The following CACNG2 variants were observed in gnomAD, a reference collection of about 807,000 sequenced individuals.
CACNG2 encodes calcium voltage-gated channel auxiliary subunit gamma 2.
CACNG2 carries 3 observed loss-of-function variants against 25.9 expected under a neutral mutation model. The ratio of observed to expected loss-of-function variants is 0.12; its 90% CI spans 0.05 to 0.30. CACNG2 has a LOEUF of 0.30. Among genes scored for constraint, CACNG2 ranks in the 10% least tolerant of loss-of-function variants. The pLI is 1.00. For synonymous variants in CACNG2, 167 were observed against 173.3 expected (o/e 0.96, Z 0.29); for missense variants, 341 against 432.5 (o/e 0.79, Z 1.88).
intron 2 of CACNG2, among the ~76,000 whole-genome samples, chr22:36,568,684 C>T (rs1348684191): frequency 1.3e-5 from 2 of 152,092 alleles, no homozygotes; most frequent in African/African-American, 2.4e-5. Flanking sequence ...GGATTACAGG[C>T]GTTAAAAGGG....
intron 1 of CACNG2, among the ~76,000 whole-genome samples, chr22:36,681,671 G>T (rs1457665440): frequency 6.6e-6 from 1 of 152,138 alleles, no homozygotes; most frequent in African/African-American, 2.4e-5. Context: ...GACCATTTGT[G>T]TTTGGAATCC....
At chr22:36,619,258 A>C (rs1001574192) in intron 1 of CACNG2, among the ~76,000 whole-genome samples, 1 of 152,176 alleles carries the variant, frequency 6.6e-6, no homozygotes, top group African/African-American at 2.4e-5. Context: ...GGATGTATTA[A>C]ATGAATATAA....
At chr22:36,571,882 CAA>C (rs1190439992) in intron 2 of CACNG2, among the ~76,000 whole-genome samples, 28 of 99,464 alleles carry the variant, frequency 2.8e-4, no homozygotes, top group Admixed American at 3.5e-4. Flanking sequence ...GTCTCAAAAA[CAA>C]AAAAAAAAAA....
chr22:36,696,206 C>T lies in CACNG2; in HGVS notation c.211+6160G>A, dbSNP rs578159285. 1.4e-4 allele frequency among the ~76,000 whole-genome samples: 22 copies of T among 152,240 alleles called. No homozygotes were observed. In the South Asian group the frequency reaches 3.9e-3, roughly 27 times the overall value. ...GGCCAGGATCTATTTAGAGGACTTG[C>T]ACCCCCGGCGCTTTCTTCTCAGGCA... On this transcript the variant is annotated intron_variant, in intron 1 of 3. Coordinates refer to ENST00000300105, the MANE Select transcript of CACNG2 (RefSeq NM_006078.5).
intron 1 of CACNG2, among the ~76,000 whole-genome samples, chr22:36,654,510 G>A (rs576321018): frequency 2.0e-5 from 3 of 152,058 alleles, no homozygotes; most frequent in Non-Finnish European, 4.4e-5. Context: ...GAAATTACAG[G>A]TGTGACCCAC....
rs77150646 is a variant in CACNG2 at position 36,646,298 on chromosome 22, T to A, written c.211+56068A>T. On this transcript the variant is annotated intron_variant, in intron 1 of 3. Coordinates refer to ENST00000300105, the MANE Select transcript of CACNG2 (RefSeq NM_006078.5). ...CTTTCCTAACTCAAGTTTGAGATAG[T>A]GACATTACGCCTGGCATACTAAAAA... Among the ~76,000 whole-genome samples the A allele has an allele frequency of 2.8e-3, 428 of 152,226 alleles. 3 individuals carry two copies. Among genetic ancestry groups the A allele is most frequent in the African/African-American group, 9.7e-3 (401 of 41,532 alleles).
chr22:36,595,734 C>G (rs1159952524), intron 1 of CACNG2, among the ~76,000 whole-genome samples: 1 of 152,144 alleles, frequency 6.6e-6, no homozygotes, highest in Non-Finnish European at 1.5e-5. Flanking sequence ...CCACCATGAA[C>G]TATAAAGGGT....
intron 1 of CACNG2, among the ~76,000 whole-genome samples, chr22:36,636,570 A>G (rs1395392147): frequency 6.6e-6 from 1 of 152,248 alleles, no homozygotes; most frequent in Non-Finnish European, 1.5e-5. Flanking sequence ...ACTGTACATC[A>G]TAGATCTGAT....
chr22:36,663,682 C>G (rs577377342), intron 1 of CACNG2, among the ~76,000 whole-genome samples: 1 of 152,158 alleles, frequency 6.6e-6, no homozygotes, highest in African/African-American at 2.4e-5. Context: ...TTGCAGCGCT[C>G]GCAGAGTCCT....
At position 36,647,287 on chromosome 22, in the gene CACNG2, A is replaced by G. The variant is rs564502769; in HGVS notation, c.211+55079T>C. 2.0e-5 allele frequency among the ~76,000 whole-genome samples: 3 copies of G among 152,240 alleles called. No individual in the cohort carries two copies. In the East Asian group the frequency reaches 5.8e-4, roughly 29 times the overall value. On this transcript the variant is annotated intron_variant, in intron 1 of 3. Transcript: ENST00000300105. ...TCCAATTTTTATTGGCATTGTAGCC[A>G]GAAGGGTTATTTAAAATGCAAATCT...
chr22:36,656,683 C>T (rs1936710458), intron 1 of CACNG2, among the ~76,000 whole-genome samples: 1 of 152,248 alleles, frequency 6.6e-6, no homozygotes. Flanking sequence ...CTCACCTGCT[C>T]CAGGGGCCTT....
At chr22:36,689,889 G>A (rs1051420232) in intron 1 of CACNG2, among the ~76,000 whole-genome samples, 1 of 152,246 alleles carries the variant, frequency 6.6e-6, no homozygotes, top group African/African-American at 2.4e-5. Flanking sequence ...AAATGGGTGA[G>A]CGTCTCTCTC....
chr22:36,645,647 TA>T (rs1269316135), intron 1 of CACNG2, among the ~76,000 whole-genome samples: 23 of 151,362 alleles, frequency 1.5e-4, no homozygotes, highest in South Asian at 2.1e-4. Context: ...AGAGGGAGAA[TA>T]TATTTTCTTC....
intron 1 of CACNG2, among the ~76,000 whole-genome samples, chr22:36,631,641 G>A (rs1936272787): frequency 6.6e-6 from 1 of 152,114 alleles, no homozygotes; most frequent in African/African-American, 2.4e-5. Context: ...CTCTGTGGAT[G>A]TGTGGCCCCA....
In CACNG2 at chr22:36,697,369, G is replaced by A. The variant is rs527263671; in HGVS notation, c.211+4997C>T. 9.8e-5 allele frequency among the ~76,000 whole-genome samples: 15 copies of A among 152,342 alleles called. No individual in the cohort carries two copies. In the South Asian group the frequency reaches 3.1e-3, roughly 32 times the overall value. Reference sequence around the variant, plus strand: ...CAAGACACAGACCAGATGTAACAGTGCTTATTAGTGGATATAAGCGGGAGG... The same window carrying A: ...CAAGACACAGACCAGATGTAACAGTACTTATTAGTGGATATAAGCGGGAGG... On this transcript the variant is annotated intron_variant, in intron 1 of 3. Transcript: ENST00000300105.
chr22:36,608,409 T>C (rs1265185006), intron 1 of CACNG2, among the ~76,000 whole-genome samples: 1 of 152,218 alleles, frequency 6.6e-6, no homozygotes, highest in Non-Finnish European at 1.5e-5. Flanking sequence ...TGTGTCATTT[T>C]CCTAACGGAA....
At chr22:36,590,641 T>A (rs1935577709) in intron 1 of CACNG2, among the ~76,000 whole-genome samples, 1 of 152,114 alleles carries the variant, frequency 6.6e-6, no homozygotes, top group East Asian at 1.9e-4. Flanking sequence ...GCCTCCCCAC[T>A]CATCAGTTTG....
chr22:36,624,928 T>C (rs1049896333), intron 1 of CACNG2, among the ~76,000 whole-genome samples: 4 of 148,848 alleles, frequency 2.7e-5, no homozygotes, highest in Non-Finnish European at 5.9e-5. Flanking sequence ...CTTGGGAGGC[T>C]GAGGTAGGAG....
chr22:36,661,966 C>CTTTTTTT lies in CACNG2; in HGVS notation c.211+40393_211+40399dup, dbSNP rs71193254. The stretch of plus-strand genomic sequence containing the variant: ...TGCTTCCTATGGACTCATTGCTATT[C>CTTTTTTT]TTTTTTTTTTTTTTTTTTTTTTTTT... On this transcript the variant is annotated intron_variant, in intron 1 of 3. Transcript: ENST00000300105. Among the ~76,000 whole-genome samples the CTTTTTTT allele has an allele frequency of 6.7e-3, 297 of 44,582 alleles. 73 individuals carry two copies. Among genetic ancestry groups the CTTTTTTT allele is most frequent in the Non-Finnish European group, 0.013 (192 of 15,336 alleles). The allele number at this position is 44,582 out of a possible 152,430, so 29.2% of individuals were successfully genotyped here.
Sources: gnomAD v4.1 joint callset for allele counts (sites outside exome capture counted in the v4.1 genomes callset) on GRCh38, gnomAD v4.1.1 for gene constraint, MANE v1.5 for transcripts, NCBI Gene and HGNC (gene_info 2026-07-23, HGNC 2026-07-21) for gene names.